The following MSI2 variants were observed in gnomAD, a reference collection of about 807,000 sequenced individuals.
MSI2 encodes RNA-binding protein Musashi homolog 2.
MSI2 carries 17 observed loss-of-function variants against 45.6 expected under a neutral mutation model. The ratio of observed to expected loss-of-function variants is 0.37; its 90% CI spans 0.26 to 0.56. The LOEUF (loss-of-function observed/expected upper bound fraction) is 0.56. MSI2 is among the 20% of genes least tolerant of loss of function. The pLI is 0.77. For synonymous variants in MSI2, 156 were observed against 158.2 expected, an observed-to-expected ratio of 0.99 and a Z score of 0.11; for missense variants, 293 against 444.2, an observed-to-expected ratio of 0.66 and a Z score of 3.06.
At chr17:57,430,494 G>A (rs2084574432) in intron 6 of MSI2, among the ~76,000 whole-genome samples, 1 of 152,350 alleles carries the variant, frequency 6.6e-6, no homozygotes, top group South Asian at 2.1e-4. Flanking sequence ...GGCTCAGGAA[G>A]TGCTGGTGCT....
chr17:57,461,404 T>A (rs2085225273), intron 6 of MSI2, among the ~76,000 whole-genome samples: 1 of 152,132 alleles, frequency 6.6e-6, no homozygotes. Flanking sequence ...TTAATCCTCC[T>A]AAGAGGTAGC....
chr17:57,592,726 CAG>C (rs1163443572), intron 7 of MSI2, among the ~76,000 whole-genome samples: 2 of 152,150 alleles, frequency 1.3e-5, no homozygotes, highest in African/African-American at 4.8e-5. Flanking sequence ...GGGAGAATAT[CAG>C]AGTCAGAATT....
At chr17:57,423,872 C>A (rs1489605760) in intron 6 of MSI2, among the ~76,000 whole-genome samples, 1 of 152,116 alleles carries the variant, frequency 6.6e-6, no homozygotes, top group Non-Finnish European at 1.5e-5. Context: ...TTTTCTCTTG[C>A]GGTAGTTACA....
At chr17:57,322,230 C>G (rs1913409748) in intron 5 of MSI2, among the ~76,000 whole-genome samples, 1 of 152,132 alleles carries the variant, frequency 6.6e-6, no homozygotes, top group Non-Finnish European at 1.5e-5. Flanking sequence ...TATGTGGTAG[C>G]CATGAAGCAG....
At position 57,445,440 on chromosome 17, in the gene MSI2, G is replaced by A. The variant is rs1364697893; in HGVS notation, c.405+43969G>A. Among the ~76,000 whole-genome samples, 3 of 151,978 alleles carry A rather than the reference G, an allele frequency of 2.0e-5. No individual in the cohort carries two copies. In the East Asian group the frequency reaches 5.8e-4, roughly 29 times the overall value. ...GTCAGCCTGAATTTCAATTTCCTGG[G>A]ACTTTTGTCTGTCTACAGCTCAACA... On this transcript the variant is annotated intron_variant, in intron 6 of 13. Coordinates refer to ENST00000284073, the MANE Select transcript of MSI2 (RefSeq NM_138962.4).
chr17:57,662,542 T>G (rs1426897993), intron 11 of MSI2, among the ~76,000 whole-genome samples: 1 of 152,250 alleles, frequency 6.6e-6, no homozygotes, highest in Non-Finnish European at 1.5e-5. Context: ...GGATAGTAGC[T>G]TATCTGAAGT....
intron 8 of MSI2, among the ~76,000 whole-genome samples, chr17:57,600,477 T>A (rs186907969): frequency 7.2e-5 from 11 of 152,346 alleles, no homozygotes; most frequent in Non-Finnish European, 5.9e-5. Context: ...GTGGACTAAA[T>A]AAAGGATTCA....
At chr17:57,606,661 C>G (rs1906615588) in intron 8 of MSI2, among the ~76,000 whole-genome samples, 1 of 152,064 alleles carries the variant, frequency 6.6e-6, no homozygotes, top group Non-Finnish European at 1.5e-5. Flanking sequence ...CCAGCCGCTG[C>G]TTGGTAAATA....
At chr17:57,384,195 G>T (rs1452026985) in intron 5 of MSI2, among the ~76,000 whole-genome samples, 1 of 152,184 alleles carries the variant, frequency 6.6e-6, no homozygotes, top group Non-Finnish European at 1.5e-5. Context: ...GGAGTCTCAG[G>T]TCAGAAATTT....
intron 7 of MSI2, among the ~76,000 whole-genome samples, chr17:57,589,011 CTTT>C (rs1456118808): frequency 6.6e-6 from 1 of 152,170 alleles, no homozygotes; most frequent in Non-Finnish European, 1.5e-5. Context: ...TGAGCTTTCT[CTTT>C]TTAACATTAT....
At chr17:57,595,144 T>G (rs998569807) in intron 7 of MSI2, among the ~76,000 whole-genome samples, 1 of 152,018 alleles carries the variant, frequency 6.6e-6, no homozygotes, top group Non-Finnish European at 1.5e-5. Flanking sequence ...GATGTTAGAG[T>G]TGGATGCATG....
At chr17:57,696,095 C>T in the MSI2 span, among the ~76,000 whole-genome samples, 5 of 152,248 alleles carry the variant, frequency 3.3e-5, no homozygotes, top group Admixed American at 6.5e-5. Context: ...CATGAATATT[C>T]GGTTCCTAAC....
chr17:57,678,527 A>T (rs1322876353), intron 13 of MSI2, among the ~76,000 whole-genome samples: 1 of 152,196 alleles, frequency 6.6e-6, no homozygotes, highest in Non-Finnish European at 1.5e-5. Flanking sequence ...TTAAACAACT[A>T]CCAGGCACAG....
chr17:57,282,043 C>T (rs2143384837), intron 5 of MSI2, among the ~76,000 whole-genome samples: 1 of 152,238 alleles, frequency 6.6e-6, no homozygotes, highest in East Asian at 1.9e-4. Flanking sequence ...GCTTTATCTC[C>T]CTTCAGATCA....
At chr17:57,487,402 T>C (rs1039346784) in intron 6 of MSI2, among the ~76,000 whole-genome samples, 6 of 152,152 alleles carry the variant, frequency 3.9e-5, no homozygotes, top group African/African-American at 1.4e-4. Context: ...TATCAGTCTT[T>C]CTATTGCACC....
At chr17:57,437,641 A>AT (rs940634957) in intron 6 of MSI2, among the ~76,000 whole-genome samples, 2 of 152,096 alleles carry the variant, frequency 1.3e-5, no homozygotes, top group African/African-American at 4.8e-5. Flanking sequence ...ACAGGGATGC[A>AT]TTTTTGGTGG....
intron 5 of MSI2, among the ~76,000 whole-genome samples, chr17:57,372,860 G>A (rs180922744): frequency 6.6e-6 from 1 of 150,418 alleles, no homozygotes; most frequent in Non-Finnish European, 1.5e-5. Flanking sequence ...GGACAGTTTT[G>A]TTTTTTTTTC....
chr17:57,285,775 A>G, intron 5 of MSI2: 1 of 1,242,664 alleles, frequency 8.0e-7, no homozygotes, highest in Non-Finnish European at 1.1e-6. Flanking sequence ...CTTAGCAAGC[A>G]TCATTATATT....
At chr17:57,287,680 C>A (rs1910041255) in intron 5 of MSI2, among the ~76,000 whole-genome samples, 1 of 152,188 alleles carries the variant, frequency 6.6e-6, no homozygotes, top group African/African-American at 2.4e-5. Context: ...CCTTTCCCTG[C>A]CTGGTTGAAA....
Sources: allele counts gnomAD v4.1 joint callset (sites outside exome capture counted in the v4.1 genomes callset), GRCh38; gene constraint gnomAD v4.1.1; transcripts MANE v1.5; gene names NCBI Gene and HGNC (gene_info 2026-07-23, HGNC 2026-07-21).